The following CFAP61 variants were observed in gnomAD, a reference collection of about 807,000 sequenced individuals.
CFAP61 encodes the protein cilia and flagella associated protein 61, also known as cilia- and flagella-associated protein 61.
In CFAP61, 107 loss-of-function variants were observed where a neutral mutation model predicts 135.6. That is an observed-to-expected ratio of 0.79 (90% CI 0.67 to 0.93). CFAP61 has a LOEUF of 0.93. Among genes scored for constraint, CFAP61 ranks in the 40% least tolerant of loss-of-function variants. The probability of loss-of-function intolerance (pLI) is 0.00; values close to 1 mark genes in which losing one functional copy is unlikely to be tolerated. For synonymous variants in CFAP61, 575 were observed against 578.5 expected (o/e 0.99, Z 0.09); for missense variants, 1,507 against 1,556.2 (o/e 0.97, Z 0.53).
intron 16 of CFAP61, among the ~76,000 whole-genome samples, chr20:20,198,265 C>G (rs1601346884): frequency 1.3e-5 from 2 of 152,280 alleles, no homozygotes; most frequent in South Asian, 4.1e-4. Context: ...TTGCACTTGG[C>G]CAAATGCCAG....
At chr20:20,167,221 T>C (rs2053904280) in intron 12 of CFAP61, among the ~76,000 whole-genome samples, 1 of 152,218 alleles carries the variant, frequency 6.6e-6, no homozygotes, top group Non-Finnish European at 1.5e-5. Flanking sequence ...ACAAGTATAG[T>C]TTAATTATTT....
At chr20:20,275,348 T>C (rs2053672054) in intron 21 of CFAP61, among the ~76,000 whole-genome samples, 1 of 152,256 alleles carries the variant, frequency 6.6e-6, no homozygotes, top group African/African-American at 2.4e-5. Flanking sequence ...AACTGACTCT[T>C]AAGATAACCG....
intron 17 of CFAP61, among the ~76,000 whole-genome samples, chr20:20,209,628 C>G (rs1188060816): frequency 3.9e-5 from 6 of 152,110 alleles, no homozygotes. Context: ...CTGCTTTGAG[C>G]CTTTATTCCA....
intron 9 of CFAP61, among the ~76,000 whole-genome samples, chr20:20,155,301 A>C (rs1295085788): frequency 2.0e-5 from 3 of 152,240 alleles, no homozygotes; most frequent in Admixed American, 2.0e-4. Context: ...CTTAAATCTA[A>C]GAGGTAAAGC....
In CFAP61 at chr20:20,320,140, G is replaced by A. The variant is rs181511655; in HGVS notation, c.3423-21691G>A. Among the ~76,000 whole-genome samples, 5 of 151,236 alleles carry A rather than the reference G, an allele frequency of 3.3e-5. No individual in the cohort carries two copies. The East Asian group carries it at 9.7e-4, about 29-fold the overall frequency. On this transcript the variant is annotated intron_variant, in intron 25 of 26. Coordinates refer to ENST00000245957, the MANE Select transcript of CFAP61 (RefSeq NM_015585.4). ...GAAATAAAACTTGCAATGGAGGGGG[G>A]CCTATGAATTAGCATAGTTTTTAAA...
chr20:20,109,517 G>T (rs1470008386), intron 8 of CFAP61, among the ~76,000 whole-genome samples: 1 of 152,110 alleles, frequency 6.6e-6, no homozygotes, highest in Non-Finnish European at 1.5e-5. Flanking sequence ...GCTGTGCGTG[G>T]TCCATTTCAG....
chr20:20,254,960 T>G (rs2051406495), intron 20 of CFAP61, among the ~76,000 whole-genome samples: 1 of 152,244 alleles, frequency 6.6e-6, no homozygotes, highest in African/African-American at 2.4e-5. Flanking sequence ...CAGCCCACTC[T>G]TCCTCCCAGC....
intron 16 of CFAP61, among the ~76,000 whole-genome samples, chr20:20,198,646 G>T (rs1011530221): frequency 6.6e-6 from 1 of 152,176 alleles, no homozygotes; most frequent in Non-Finnish European, 1.5e-5. Flanking sequence ...TATGGGGATG[G>T]TTTTCTCTGT....
chr20:20,200,312 T>C (rs1160234812), intron 17 of CFAP61, among the ~76,000 whole-genome samples: 1 of 152,150 alleles, frequency 6.6e-6, no homozygotes, highest in African/African-American at 2.4e-5. Flanking sequence ...AAAACAGAGC[T>C]GGCTGCATTC....
chr20:20,266,517 C>G (rs2052752336), intron 21 of CFAP61, among the ~76,000 whole-genome samples: 1 of 152,206 alleles, frequency 6.6e-6, no homozygotes, highest in Admixed American at 6.5e-5. Context: ...CAGGATGTAA[C>G]TCTTTTCCTT....
rs1390764858 is a variant in CFAP61, at chr20:20,052,595, G to A, written c.-37+4G>A. The A allele has an allele frequency of 6.2e-7, 1 of 1,613,808 alleles. No individual in the cohort carries two copies. The highest frequency in any genetic ancestry group is 1.3e-5 in the African/African-American group (1 of 75,072). The stretch of plus-strand genomic sequence containing the variant: ...GCGTCCTGGAGCTGCGGATGAGGTG[G>A]GTAACGCCGTGCTGACTAGCAGCGA... On this transcript the variant is annotated splice_donor_region_variant and intron_variant, in intron 1 of 26. Transcript: ENST00000245957.
intron 8 of CFAP61, among the ~76,000 whole-genome samples, chr20:20,123,870 G>A (rs942669778): frequency 6.6e-6 from 1 of 151,192 alleles, no homozygotes. Context: ...ATGAGCATGG[G>A]ATGTGTTTCC....
chr20:20,340,815 G>A (rs1238149613), intron 25 of CFAP61, among the ~76,000 whole-genome samples: 4 of 152,082 alleles, frequency 2.6e-5, no homozygotes, highest in Admixed American at 6.6e-5. Flanking sequence ...ACAGCAACGC[G>A]GGCAAGTCAG....
intron 25 of CFAP61, 24 bp downstream of exon 25, chr20:20,298,410 TAC>T (rs1178460847): frequency 6.4e-7 from 1 of 1,565,864 alleles, no homozygotes; most frequent in East Asian, 2.2e-5. Context: ...TGCATTTGAC[TAC>T]AGGGAAATAC....
chr20:20,299,142 T>C (rs1232186746), intron 25 of CFAP61, among the ~76,000 whole-genome samples: 1 of 152,210 alleles, frequency 6.6e-6, no homozygotes, highest in Non-Finnish European at 1.5e-5. Context: ...CAATCTCTCT[T>C]GCCTCTTAAA....
chr20:20,196,899 C>A, intron 16 of CFAP61, 123 bp downstream of exon 16: 1 of 830,624 alleles, frequency 1.2e-6, no homozygotes. Flanking sequence ...GTCTGAATTT[C>A]CAATGGCCAT....
At chr20:20,280,029 T>G (rs2054073110) in intron 22 of CFAP61, among the ~76,000 whole-genome samples, 1 of 152,098 alleles carries the variant, frequency 6.6e-6, no homozygotes, top group African/African-American at 2.4e-5. Context: ...ATGAGTTGAA[T>G]TACATCCCCT....
chr20:20,185,042 C>T (rs185498220), intron 13 of CFAP61, among the ~76,000 whole-genome samples: 143 of 152,288 alleles, frequency 9.4e-4, no homozygotes, highest in Non-Finnish European at 1.2e-3. Flanking sequence ...CTCTCAGCCA[C>T]TGTAGAACTT....
chr20:20,069,734 T>C (rs2045572027), intron 2 of CFAP61: 1 of 456,474 alleles, frequency 2.2e-6, no homozygotes, highest in African/African-American at 2.0e-5. Context: ...ATTTTTTCTC[T>C]TCTTGCTTAG....
Sources: allele counts gnomAD v4.1 joint callset (sites outside exome capture counted in the v4.1 genomes callset), GRCh38; gene constraint gnomAD v4.1.1; transcripts MANE v1.5; gene names NCBI Gene and HGNC (gene_info 2026-07-23, HGNC 2026-07-21).